Variants in ROBO1 observed in about 807,000 individuals in gnomAD.
ROBO1 encodes roundabout homolog 1.
Under a neutral mutation model 195.9 loss-of-function variants are expected in ROBO1, and 149 were observed. The observed-to-expected ratio is 0.76, with a 90% confidence interval of 0.67 to 0.87. The LOEUF (loss-of-function observed/expected upper bound fraction) is 0.87, where lower values mean the gene tolerates loss of function less well. ROBO1 is among the 40% of genes least tolerant of loss of function. ROBO1 has a pLI of 0.00. For missense variants in ROBO1, 1,933 were observed against 2,068.3 expected (o/e 0.93, Z 1.27); for synonymous variants, 816 against 733.2 (o/e 1.11, Z -1.82).
chr3:79,141,788 A>G (rs768775558), intron 2 of ROBO1, among the ~76,000 whole-genome samples: 18 of 152,074 alleles, frequency 1.2e-4, no homozygotes, highest in Non-Finnish European at 1.2e-4. Flanking sequence ...GGACATTTCT[A>G]TTTTATAACA....
chr3:79,017,058 C>T (rs2077959536), intron 3 of ROBO1, among the ~76,000 whole-genome samples: 1 of 152,194 alleles, frequency 6.6e-6, no homozygotes, highest in Non-Finnish European at 1.5e-5. Context: ...CATCCCTCCA[C>T]TGTGACGTAC....
intron 8 of ROBO1, among the ~76,000 whole-genome samples, chr3:78,701,686 C>T (rs369835541): frequency 1.1e-4 from 16 of 152,280 alleles, no homozygotes; most frequent in East Asian, 9.6e-4. Context: ...GACTATTTCA[C>T]CATCCACAAA....
At position 79,046,710 on chromosome 3, in the gene ROBO1, G is replaced by A. The variant is rs371280615; in HGVS notation, c.172+78746C>T. 6.6e-5 allele frequency among the ~76,000 whole-genome samples: 10 copies of A among 152,078 alleles called. No individual in the cohort carries two copies. In the East Asian group the frequency reaches 7.8e-4, roughly 12 times the overall value. Reference sequence around the variant, plus strand: ...ACATTTTTCTGCCTGCATTATGTTCGCTGGCAGCTGATTAGATGGTGCCTA... The same window carrying A: ...ACATTTTTCTGCCTGCATTATGTTCACTGGCAGCTGATTAGATGGTGCCTA... On this transcript the variant is annotated intron_variant, in intron 3 of 30. Transcript: ENST00000464233.
chr3:79,342,543 G>T (rs533691532), intron 2 of ROBO1, among the ~76,000 whole-genome samples: 2 of 152,130 alleles, frequency 1.3e-5, no homozygotes, highest in Non-Finnish European at 2.9e-5. Flanking sequence ...TCAGTGTGAT[G>T]ACTGGGAATG....
intron 4 of ROBO1, among the ~76,000 whole-genome samples, chr3:78,778,073 C>T (rs1374317852): frequency 6.6e-6 from 1 of 152,116 alleles, no homozygotes; most frequent in Non-Finnish European, 1.5e-5. Flanking sequence ...AAGGCCTTTT[C>T]TGCATCTATT....
intron 3 of ROBO1, among the ~76,000 whole-genome samples, chr3:79,081,896 T>A (rs936589560): frequency 6.6e-6 from 1 of 152,196 alleles, no homozygotes; most frequent in African/African-American, 2.4e-5. Context: ...TAATTAACAA[T>A]AGTGACATTT....
chr3:79,111,877 C>A (rs899782469), intron 3 of ROBO1, among the ~76,000 whole-genome samples: 7 of 152,014 alleles, frequency 4.6e-5, no homozygotes, highest in Non-Finnish European at 1.0e-4. Context: ...GGTTTAGATA[C>A]CAGGAATTCT....
At chr3:79,651,575 C>T (rs561677991) in intron 1 of ROBO1, among the ~76,000 whole-genome samples, 3 of 152,124 alleles carry the variant, frequency 2.0e-5, no homozygotes, top group Non-Finnish European at 4.4e-5. Context: ...ATTTGCAGAA[C>T]TCAGCGGTGC....
intron 1 of ROBO1, among the ~76,000 whole-genome samples, chr3:79,719,622 G>C (rs1702619069): frequency 6.6e-6 from 1 of 152,030 alleles, no homozygotes; most frequent in African/African-American, 2.4e-5. Context: ...AAGGAATATA[G>C]AGACTATGTA....
At chr3:78,888,141 G>T (rs2107336413) in intron 4 of ROBO1, among the ~76,000 whole-genome samples, 1 of 152,248 alleles carries the variant, frequency 6.6e-6, no homozygotes, top group African/African-American at 2.4e-5. Context: ...ATTCATTCCT[G>T]TTATCAGTTC....
At chr3:79,691,973 T>A (rs1376406598) in intron 1 of ROBO1, among the ~76,000 whole-genome samples, 1 of 151,882 alleles carries the variant, frequency 6.6e-6, no homozygotes, top group Non-Finnish European at 1.5e-5. Context: ...ATCAAGTGTA[T>A]CTTCCAGTGT....
At chr3:79,358,983 T>C (rs1034957151) in intron 2 of ROBO1, among the ~76,000 whole-genome samples, 6 of 152,036 alleles carry the variant, frequency 3.9e-5, no homozygotes, top group South Asian at 2.1e-4. Context: ...TTTTTCCCTA[T>C]AAACGTTCAT....
chr3:79,096,911 G>C (rs944945999), intron 3 of ROBO1, among the ~76,000 whole-genome samples: 5 of 151,558 alleles, frequency 3.3e-5, no homozygotes, highest in Admixed American at 1.3e-4. Context: ...GACTTAGGCA[G>C]AGCAATAGTA....
At chr3:79,184,758 G>C (rs2108741713) in intron 2 of ROBO1, among the ~76,000 whole-genome samples, 1 of 152,256 alleles carries the variant, frequency 6.6e-6, no homozygotes, top group Non-Finnish European at 1.5e-5. Context: ...TCCCTGAAAA[G>C]TGGGGGAAAT....
intron 2 of ROBO1, among the ~76,000 whole-genome samples, chr3:79,182,628 A>G (rs1275171157): frequency 2.6e-5 from 4 of 151,784 alleles, no homozygotes; most frequent in Non-Finnish European, 5.9e-5. Flanking sequence ...CTGAAAATGT[A>G]AGTTTAGGGG....
chr3:79,381,930 C>T (rs1045334263), intron 2 of ROBO1, among the ~76,000 whole-genome samples: 3 of 152,078 alleles, frequency 2.0e-5, no homozygotes, highest in Non-Finnish European at 4.4e-5. Flanking sequence ...CCCTATATCC[C>T]TACAACCGTA....
intron 4 of ROBO1, among the ~76,000 whole-genome samples, chr3:78,800,626 G>A (rs774831838): frequency 4.6e-5 from 7 of 152,072 alleles, no homozygotes; most frequent in Admixed American, 3.3e-4. Context: ...GCACAATCTC[G>A]GCTCACTGCA....
intron 3 of ROBO1, among the ~76,000 whole-genome samples, chr3:79,060,986 A>C (rs902411966): frequency 3.9e-5 from 6 of 152,066 alleles, no homozygotes; most frequent in African/African-American, 1.4e-4. Flanking sequence ...CATACTGTTG[A>C]AAGTTCTGGC....
At chr3:79,681,228 C>T (rs543656648) in intron 1 of ROBO1, among the ~76,000 whole-genome samples, 97 of 151,896 alleles carry the variant, frequency 6.4e-4, no homozygotes, top group Non-Finnish European at 1.2e-3. Context: ...TGGGTAGGAA[C>T]GGCTTTATGG....
Sources: gnomAD v4.1 joint callset for allele counts (sites outside exome capture counted in the v4.1 genomes callset) on GRCh38, gnomAD v4.1.1 for gene constraint, MANE v1.5 for transcripts, NCBI Gene and HGNC (gene_info 2026-07-23, HGNC 2026-07-21) for gene names.